CCDC171: variants seen among roughly 807,000 people sequenced by gnomAD.
CCDC171 encodes coiled-coil domain-containing protein 171.
In CCDC171, 177 loss-of-function variants were observed where a neutral mutation model predicts 168.2. The observed-to-expected ratio is 1.05, with a 90% CI of 0.93 to 1.19. CCDC171 has a LOEUF of 1.19. CCDC171 is among the 50% of genes most tolerant of loss of function. CCDC171 has a pLI of 0.00. For missense variants in CCDC171, 1,991 were observed against 1,539.0 expected (o/e 1.29, Z -4.91); for synonymous variants, 687 against 540.8 (o/e 1.27, Z -3.75).
chr9:15,926,820 C>G (rs1825947939), intron 25 of CCDC171, among the ~76,000 whole-genome samples: 2 of 151,544 alleles, frequency 1.3e-5, no homozygotes, highest in South Asian at 4.1e-4. Context: ...TATAGCTAAG[C>G]TATACTATAA....
intron 8 of CCDC171, among the ~76,000 whole-genome samples, chr9:15,663,071 A>C (rs558033172): frequency 6.6e-6 from 1 of 152,238 alleles, no homozygotes; most frequent in Non-Finnish European, 1.5e-5. Context: ...TAGATAGTCT[A>C]GTTGACATTA....
intron 11 of CCDC171, among the ~76,000 whole-genome samples, chr9:15,696,244 C>T (rs1190638252): frequency 6.6e-6 from 1 of 152,078 alleles, no homozygotes; most frequent in Non-Finnish European, 1.5e-5. Flanking sequence ...AGTTTTTGTC[C>T]TTGAAAACTT....
At position 15,815,669 on chromosome 9, in the gene CCDC171, A is replaced by G. The variant is rs1300894677; in HGVS notation, c.3267+30975A>G. On this transcript the variant is annotated intron_variant, in intron 21 of 25. Transcript: ENST00000380701. Reference sequence around the variant, plus strand: ...CATATTTTCTCTGGTAAACCTTTAAACAAAAGAACTCCAACACTCATTTTC... The same window carrying G: ...CATATTTTCTCTGGTAAACCTTTAAGCAAAAGAACTCCAACACTCATTTTC... Among the ~76,000 whole-genome samples the G allele has an allele frequency of 2.6e-5, 3 of 116,384 alleles. 1 individual carries two copies. Among genetic ancestry groups the G allele is most frequent in the African/African-American group, 9.6e-5 (3 of 31,180 alleles). 76.4% of individuals were successfully genotyped at this position (116,384 alleles called of 152,430 possible).
At chr9:15,645,262 G>C (rs1564125801) in intron 7 of CCDC171, among the ~76,000 whole-genome samples, 1 of 152,054 alleles carries the variant, frequency 6.6e-6, no homozygotes, top group Non-Finnish European at 1.5e-5. Flanking sequence ...AAAGACCAAA[G>C]GTAGATAAAA....
chr9:15,919,492 G>C (rs1313037568), intron 24 of CCDC171, among the ~76,000 whole-genome samples: 1 of 151,554 alleles, frequency 6.6e-6, no homozygotes, highest in African/African-American at 2.4e-5. Flanking sequence ...TTTTGAAAAT[G>C]TCTTTGAAAT....
chr9:15,803,769 G>T (rs1262897809), intron 21 of CCDC171, among the ~76,000 whole-genome samples: 1 of 151,790 alleles, frequency 6.6e-6, no homozygotes, highest in Non-Finnish European at 1.5e-5. Context: ...GGTTCTGTAT[G>T]AATTTTAAAA....
At chr9:15,726,206 A>G (rs2053789142) in intron 14 of CCDC171, among the ~76,000 whole-genome samples, 1 of 152,190 alleles carries the variant, frequency 6.6e-6, no homozygotes, top group Admixed American at 6.5e-5. Flanking sequence ...TGATTAAAGT[A>G]AAGGAAACTA....
chr9:15,609,355 C>T lies in CCDC171; in HGVS notation c.676-13912C>T, dbSNP rs555645559. On this transcript the variant is annotated intron_variant, in intron 6 of 25. Coordinates refer to ENST00000380701, the MANE Select transcript of CCDC171 (RefSeq NM_173550.4). ...AACTCCTGACCTCAGGTGATCCACC[C>T]GCCTTGGCCTCCCAAAGTGCTGGGA... Among the ~76,000 whole-genome samples, 51 of 152,152 alleles carry T rather than the reference C, an allele frequency of 3.4e-4. 1 individual carries two copies. Among genetic ancestry groups the T allele is most frequent in the South Asian group, 2.5e-3 (12 of 4,816 alleles).
chr9:15,668,205 A>C (rs935979569), intron 9 of CCDC171, among the ~76,000 whole-genome samples: 3 of 152,174 alleles, frequency 2.0e-5, no homozygotes, highest in Non-Finnish European at 4.4e-5. Context: ...GGGAAATTCA[A>C]AACACAGAGT....
downstream of CCDC171, among the ~76,000 whole-genome samples, chr9:15,974,497 C>T (rs3008746): frequency 2.6e-5 from 4 of 151,920 alleles, no homozygotes; most frequent in Admixed American, 6.6e-5. Flanking sequence ...TTTACACTTC[C>T]GAATGTGGAT....
intron 18 of CCDC171, among the ~76,000 whole-genome samples, chr9:15,759,353 A>G (rs542747204): frequency 6.6e-6 from 1 of 152,226 alleles, no homozygotes; most frequent in East Asian, 1.9e-4. Flanking sequence ...AAGACTGCAT[A>G]TTTTAGTGTG....
chr9:15,988,150 A>C (rs1489609144), intron 3 of CCDC171, among the ~76,000 whole-genome samples: 1 of 152,256 alleles, frequency 6.6e-6, no homozygotes, highest in Admixed American at 6.5e-5. Flanking sequence ...GTACAGTAGC[A>C]TCACCAGGAT....
chr9:16,084,989 A>C, the CCDC171 span, among the ~76,000 whole-genome samples: 1 of 152,206 alleles, frequency 6.6e-6, no homozygotes, highest in Non-Finnish European at 1.5e-5. Flanking sequence ...ACACCTAAAA[A>C]TTATGTGTGT....
chr9:15,720,217 G>A (rs1404054360), intron 11 of CCDC171, among the ~76,000 whole-genome samples: 4 of 152,138 alleles, frequency 2.6e-5, no homozygotes, highest in South Asian at 4.1e-4. Flanking sequence ...ACTCTGAGCT[G>A]AGTAAAGTTG....
chr9:15,982,494 A>G (rs1831831481), intron 3 of CCDC171, among the ~76,000 whole-genome samples: 1 of 152,140 alleles, frequency 6.6e-6, no homozygotes, highest in Non-Finnish European at 1.5e-5. Context: ...ATGATGAGGC[A>G]CCAAATCCCA....
chr9:15,982,510 A>G (rs1831831870), intron 3 of CCDC171, among the ~76,000 whole-genome samples: 1 of 152,118 alleles, frequency 6.6e-6, no homozygotes. Context: ...TCCCACTCCA[A>G]ATTACTGGAA....
intron 15 of CCDC171, among the ~76,000 whole-genome samples, chr9:15,729,099 T>C (rs2053998198): frequency 6.6e-6 from 1 of 152,174 alleles, no homozygotes; most frequent in African/African-American, 2.4e-5. Context: ...TATGAGATGG[T>C]ATTATATTTT....
At chr9:16,104,832 T>C in the CCDC171 span, among the ~76,000 whole-genome samples, 1 of 152,144 alleles carries the variant, frequency 6.6e-6, no homozygotes, top group Non-Finnish European at 1.5e-5. Flanking sequence ...AATATAGATG[T>C]GGGCCTTGAC....
intron 25 of CCDC171, among the ~76,000 whole-genome samples, chr9:15,958,144 A>G: frequency 6.6e-6 from 1 of 152,014 alleles, no homozygotes; most frequent in Non-Finnish European, 1.5e-5. Flanking sequence ...TCATTCATTC[A>G]TTCATTCCTC....
Sources: allele counts gnomAD v4.1 joint callset (sites outside exome capture counted in the v4.1 genomes callset), GRCh38; gene constraint gnomAD v4.1.1; transcripts MANE v1.5; gene names NCBI Gene and HGNC (gene_info 2026-07-23, HGNC 2026-07-21).